SFMBT2: variants seen among roughly 807,000 people sequenced by gnomAD.
SFMBT2 encodes scm-like with four MBT domains protein 2.
Under a neutral mutation model 110.1 loss-of-function variants are expected in SFMBT2, and 38 were observed. The observed-to-expected ratio is 0.35, with a 90% CI of 0.27 to 0.45. SFMBT2 has a LOEUF of 0.45. Among genes scored for constraint, SFMBT2 ranks in the 20% least tolerant of loss-of-function variants. SFMBT2 has a pLI of 1.00. For synonymous variants in SFMBT2, 425 were observed against 425.4 expected (o/e 1.00, Z 0.01); for missense variants, 1,011 against 1,094.9 (o/e 0.92, Z 1.08).
At chr10:7,228,750 CT>C (rs1840015396) in intron 9 of SFMBT2, among the ~76,000 whole-genome samples, 1 of 92,932 alleles carries the variant, frequency 1.1e-5, no homozygotes, top group Admixed American at 1.0e-4. Context: ...CTCTCTCTCT[CT>C]CTCTCTCTCT....
intron 17 of SFMBT2, among the ~76,000 whole-genome samples, chr10:7,173,284 G>A (rs1404408614): frequency 1.3e-5 from 2 of 152,170 alleles, no homozygotes; most frequent in Non-Finnish European, 2.9e-5. Flanking sequence ...ATACAGTGGT[G>A]GCAATGACAT....
intron 4 of SFMBT2, among the ~76,000 whole-genome samples, chr10:7,334,653 C>T (rs1843663080): frequency 6.6e-6 from 1 of 152,130 alleles, no homozygotes; most frequent in Non-Finnish European, 1.5e-5. Context: ...CCATGAGAGG[C>T]AGGGTAAAAG....
intron 4 of SFMBT2, among the ~76,000 whole-genome samples, chr10:7,307,170 C>T (rs1366178535): frequency 6.6e-6 from 1 of 152,092 alleles, no homozygotes; most frequent in Non-Finnish European, 1.5e-5. Context: ...CAGAAAACTA[C>T]AATGTTTTAT....
intron 14 of SFMBT2, among the ~76,000 whole-genome samples, chr10:7,198,361 G>T (rs2131596514): frequency 6.6e-6 from 1 of 152,294 alleles, no homozygotes; most frequent in Non-Finnish European, 1.5e-5. Flanking sequence ...GTGCTTTCAT[G>T]AATATGATTG....
rs1734375495 is a variant in SFMBT2 at position 7,267,461 on chromosome 10, T to C, written c.870+9431A>G. Among the ~76,000 whole-genome samples the C allele has an allele frequency of 2.0e-5, 3 of 152,212 alleles. No individual in the cohort carries two copies. The South Asian group carries it at 6.2e-4, about 31-fold the overall frequency. Reference sequence around the variant, plus strand: ...AAGTGCAGTTGTCTTTCTGTTTGTTTGTTTGAGATGGAGTCTCACTCTGTT... The same window carrying C: ...AAGTGCAGTTGTCTTTCTGTTTGTTCGTTTGAGATGGAGTCTCACTCTGTT... On this transcript the variant is annotated intron_variant, in intron 7 of 20. Transcript: ENST00000397167.
intron 4 of SFMBT2, among the ~76,000 whole-genome samples, chr10:7,289,854 G>T (rs1014238274): frequency 1.5e-4 from 23 of 152,122 alleles, no homozygotes; most frequent in Non-Finnish European, 2.6e-4. Flanking sequence ...GTAAATAAAA[G>T]TTGCCTTGCA....
In SFMBT2 at chr10:7,171,612, A is replaced by C; in HGVS notation, c.2415+283T>G. ...TTTCTGGAAACCCAGACTTCAAAGG[A>C]AACTGAGGACTGTGCCCTCCTCCTG... On this transcript the variant is annotated intron_variant, in intron 19 of 20. Transcript: ENST00000397167. The surrounding 1 kb of genome is among the most constrained non-coding windows in gnomAD (Gnocchi z 4.9). The C allele has an allele frequency of 2.0e-6, 2 of 976,540 alleles. No individual in the cohort carries two copies. Among genetic ancestry groups the C allele is most frequent in the Non-Finnish European group, 2.4e-6 (2 of 821,888 alleles). 60.5% of individuals were successfully genotyped at this position (976,540 alleles called of 1,614,324 possible). A position where few individuals can be genotyped will look rare whatever the true frequency, so the allele number is the denominator to read the frequency against.
intron 12 of SFMBT2, chr10:7,203,764 G>A (rs1480326668): frequency 7.0e-6 from 4 of 573,758 alleles, no homozygotes; most frequent in Non-Finnish European, 8.8e-6. Flanking sequence ...CACCCAGGCT[G>A]GAGTGCAGTG....
intron 4 of SFMBT2, among the ~76,000 whole-genome samples, chr10:7,365,070 G>A (rs1844847942): frequency 6.6e-6 from 1 of 152,198 alleles, no homozygotes; most frequent in Non-Finnish European, 1.5e-5. Context: ...TTTAGGCTGG[G>A]TCTGGGGCTG....
intron 13 of SFMBT2, among the ~76,000 whole-genome samples, chr10:7,201,411 G>A (rs1238914336): frequency 6.6e-6 from 1 of 152,178 alleles, no homozygotes; most frequent in African/African-American, 2.4e-5. Flanking sequence ...AAGGAGTGAT[G>A]GATTCAAGTT....
At chr10:7,324,437 G>A (rs1431044288) in intron 4 of SFMBT2, among the ~76,000 whole-genome samples, 16 of 152,194 alleles carry the variant, frequency 1.1e-4, no homozygotes, top group Non-Finnish European at 1.5e-5. Context: ...AAGACGCGGA[G>A]GAGACCAGGC....
intron 3 of SFMBT2, among the ~76,000 whole-genome samples, chr10:7,369,949 T>C (rs1845017001): frequency 6.6e-6 from 1 of 152,136 alleles, no homozygotes; most frequent in African/African-American, 2.4e-5. Flanking sequence ...AATCTCCACC[T>C]CCTGGGCTCA....
chr10:7,302,307 C>T (rs1455801665), intron 4 of SFMBT2, among the ~76,000 whole-genome samples: 1 of 152,180 alleles, frequency 6.6e-6, no homozygotes, highest in Non-Finnish European at 1.5e-5. Context: ...AAACTCAGTT[C>T]TTATAGTCTG....
chr10:7,172,773 G>A lies in SFMBT2; in HGVS notation c.1985-112C>T, dbSNP rs900881698. On this transcript the variant is annotated intron_variant, in intron 17 of 20. Coordinates refer to ENST00000397167, the MANE Select transcript of SFMBT2 (RefSeq NM_001387889.1). The surrounding 1 kb of genome is among the most constrained non-coding windows in gnomAD (Gnocchi z 4.6). ...TTCTTTCATCTGATAGTTCATTTGT[G>A]CCTTACGAAGTCATTCTGAGAAAAC... The A allele has an allele frequency of 7.7e-7, 1 of 1,292,340 alleles. No homozygotes were observed. Among genetic ancestry groups the A allele is most frequent in the Non-Finnish European group, 1.1e-6 (1 of 946,816 alleles). 80.1% of individuals were successfully genotyped at this position (1,292,340 alleles called of 1,614,324 possible). A position where few individuals can be genotyped will look rare whatever the true frequency, so the allele number is the denominator to read the frequency against.
chr10:7,409,737 G>C (rs1373804183), intron 1 of SFMBT2, among the ~76,000 whole-genome samples: 1 of 151,902 alleles, frequency 6.6e-6, no homozygotes, highest in Non-Finnish European at 1.5e-5. Context: ...GAAACTAAGG[G>C]GTGGAAACTT....
At chr10:7,393,245 G>A (rs1845831161) in intron 1 of SFMBT2, among the ~76,000 whole-genome samples, 1 of 151,666 alleles carries the variant, frequency 6.6e-6, no homozygotes, top group Admixed American at 6.6e-5. Context: ...TGGTCAGGCT[G>A]GTCTCAAACT....
intron 1 of SFMBT2, among the ~76,000 whole-genome samples, chr10:7,405,832 A>AC (rs1399392432): frequency 1.7e-4 from 7 of 41,360 alleles, no homozygotes; most frequent in East Asian, 1.8e-3. Context: ...TCCCCCCCCG[A>AC]CCCCCGCTCT....
intron 16 of SFMBT2, among the ~76,000 whole-genome samples, chr10:7,177,187 T>C (rs1291530702): frequency 6.6e-6 from 1 of 152,128 alleles, no homozygotes; most frequent in East Asian, 1.9e-4. Flanking sequence ...CAAATCTTGA[T>C]TGAGTGATAG....
At chr10:7,314,580 A>T (rs1842935164) in intron 4 of SFMBT2, among the ~76,000 whole-genome samples, 1 of 152,164 alleles carries the variant, frequency 6.6e-6, no homozygotes, top group Admixed American at 6.5e-5. Flanking sequence ...AGCTCTTTGG[A>T]AGGACAAGGG....
Sources: gnomAD v4.1 joint callset for allele counts (sites outside exome capture counted in the v4.1 genomes callset) on GRCh38, gnomAD v4.1.1 for gene constraint, Gnocchi (gnomAD v3.1) non-coding constraint, MANE v1.5 for transcripts, NCBI Gene and HGNC (gene_info 2026-07-23, HGNC 2026-07-21) for gene names.